Variants in CIITA observed in about 807,000 individuals in gnomAD.
CIITA encodes MHC class II transactivator.
Under a neutral mutation model 115.1 loss-of-function variants are expected in CIITA, and 72 were observed. The ratio of observed to expected loss-of-function variants is 0.63; its 90% CI spans 0.52 to 0.76. CIITA has a LOEUF of 0.76. Ranked by LOEUF, CIITA falls within the 30% of genes least tolerant of loss-of-function variation. The pLI is 0.00. For missense variants in CIITA, 1,617 were observed against 1,463.8 expected (o/e 1.10, Z -1.71); for synonymous variants, 763 against 635.6 (o/e 1.20, Z -3.02).
rs796498325 is a variant in CIITA, at chr16:10,905,760, C to CA, written c.1007-727dup. Among the ~76,000 whole-genome samples, 584 of 121,632 alleles carry CA rather than the reference C, an allele frequency of 4.8e-3. 4 individuals carry two copies. Among genetic ancestry groups the CA allele is most frequent in the African/African-American group, 0.014 (449 of 32,676 alleles). 79.8% of individuals were successfully genotyped at this position (121,632 alleles called of 152,430 possible). A position where few individuals can be genotyped will look rare whatever the true frequency, so the allele number is the denominator to read the frequency against. ...CTGGGGCACAGGGCAGGATCCATCT[C>CA]AAAAAAAAAAAAGAGAGAAAAGGTC... On this transcript the variant is annotated intron_variant, in intron 10 of 19. Transcript: ENST00000324288.
At position 10,934,779 on chromosome 16, in the gene CIITA, G is replaced by C. The variant is rs1332808657; in HGVS notation, c.*10924G>C. 3.3e-5 allele frequency: 5 copies of C among 152,282 alleles called. No individual in the cohort carries two copies. Among genetic ancestry groups the C allele is most frequent in the African/African-American group, 1.2e-4 (5 of 41,568 alleles). 9.4% of individuals were successfully genotyped at this position (152,282 alleles called of 1,614,324 possible). A position where few individuals can be genotyped will look rare whatever the true frequency, so the allele number is the denominator to read the frequency against. Reference sequence around the variant, plus strand: ...CTCCCAGAAATGAAGCCTTACCCTTGAGGGAGTTCCCCGCCACTCCAAGCT... The same window carrying C: ...CTCCCAGAAATGAAGCCTTACCCTTCAGGGAGTTCCCCGCCACTCCAAGCT... On this transcript the variant is annotated 3_prime_UTR_variant, in exon 20 of 20. Transcript: ENST00000324288. The surrounding 1 kb of genome is among the most constrained non-coding windows in gnomAD (Gnocchi z 4.2).
chr16:10,873,221 G>T (rs905089009), upstream of CIITA, among the ~76,000 whole-genome samples: 1 of 152,160 alleles, frequency 6.6e-6, no homozygotes, highest in Non-Finnish European at 1.5e-5. Context: ...CGACATACCT[G>T]CCTTAGCCTC....
At chr16:10,869,347 C>T (rs2035313919) in intron 1 of CIITA, among the ~76,000 whole-genome samples, 1 of 152,222 alleles carries the variant, frequency 6.6e-6, no homozygotes, top group African/African-American at 2.4e-5. Flanking sequence ...AGAACCTTTG[C>T]ACATGCCGTT....
chr16:10,900,443 A>T (rs1167031820), intron 5 of CIITA, among the ~76,000 whole-genome samples: 1 of 151,832 alleles, frequency 6.6e-6, no homozygotes, highest in Admixed American at 6.6e-5. Context: ...CCAAGATTTT[A>T]TTGTGAAAGT....
At chr16:10,891,742 G>A (rs149479829) in intron 1 of CIITA, among the ~76,000 whole-genome samples, 92 of 152,282 alleles carry the variant, frequency 6.0e-4, no homozygotes, top group Admixed American at 1.4e-3. Context: ...CTGACCAAGG[G>A]GCTGGGAGAG....
chr16:10,899,086 T>A, intron 5 of CIITA, 84 bp downstream of exon 5: 1 of 1,353,696 alleles, frequency 7.4e-7, no homozygotes, highest in Non-Finnish European at 1.1e-6. Flanking sequence ...TGGGTCCAAC[T>A]TGCTTCCCTC....
chr16:10,911,066 T>C (rs1030715512), intron 13 of CIITA, among the ~76,000 whole-genome samples: 1 of 152,076 alleles, frequency 6.6e-6, no homozygotes, highest in Non-Finnish European at 1.5e-5. Context: ...GTGACAGAAA[T>C]GGAGACCTAG....
At chr16:10,868,863 G>T (rs1003841271) in intron 1 of CIITA, among the ~76,000 whole-genome samples, 13 of 152,220 alleles carry the variant, frequency 8.5e-5, no homozygotes, top group African/African-American at 3.1e-4. Context: ...TCTTCGGGGA[G>T]CTGGGAGGGG....
chr16:10,903,959 G>T, intron 9 of CIITA, 64 bp downstream of exon 9: 2 of 1,607,176 alleles, frequency 1.2e-6, no homozygotes, highest in South Asian at 1.1e-5. Flanking sequence ...GGAAGGAATT[G>T]TCTCAAATAA....
chr16:10,904,073 A>G lies in CIITA; in HGVS notation c.937+178A>G, dbSNP rs185812489. On this transcript the variant is annotated intron_variant, in intron 9 of 19. Transcript: ENST00000324288. The stretch of plus-strand genomic sequence containing the variant: ...TGGAGGCATGGTTGTGGGGGAATGG[A>G]CAGCTAGAGAATCCACATCCCATCC... Among the ~76,000 whole-genome samples the G allele has an allele frequency of 1.7e-3, 263 of 152,302 alleles. 2 individuals are homozygous for G. The East Asian group carries it at 0.035, about 20-fold the overall frequency.
chr16:10,910,147 C>G (rs1169405486), intron 12 of CIITA, 41 bp from the exon 13 acceptor site: 5 of 1,563,506 alleles, frequency 3.2e-6, no homozygotes, highest in Non-Finnish European at 4.4e-6. Flanking sequence ...GGCTCAGTGA[C>G]AGCAGTGCCT....
chr16:10,917,829 C>T (rs1242396444), intron 15 of CIITA, among the ~76,000 whole-genome samples: 1 of 152,178 alleles, frequency 6.6e-6, no homozygotes, highest in Non-Finnish European at 1.5e-5. Flanking sequence ...TTCCCACACT[C>T]CCCCTCACAA....
chr16:10,897,250 T>C (rs2038223221), intron 3 of CIITA, among the ~76,000 whole-genome samples: 1 of 152,208 alleles, frequency 6.6e-6, no homozygotes, highest in African/African-American at 2.4e-5. Flanking sequence ...TGGTGAGGAC[T>C]CTCTGCAGAG....
Position 10,929,262 on chromosome 16 carries a change from A to C in CIITA, c.*5407A>C. On this transcript the variant is annotated 3_prime_UTR_variant, in exon 20 of 20. Transcript: ENST00000324288. This position sits in a 1 kb window ranked among gnomAD's most constrained non-coding sequence, Gnocchi z 4.3. ...GCTTTTGCGTGTGTCCGCAGTTTGA[A>C]GTGTCCTCTCCGAAGGTGAAGTGGG... is the stretch of plus-strand genomic sequence containing the variant. 1.0e-6 allele frequency: 1 copy of C among 985,948 alleles called. No individual in the cohort carries two copies. Among genetic ancestry groups the C allele is most frequent in the Non-Finnish European group, 1.2e-6 (1 of 829,982 alleles). 61.1% of individuals were successfully genotyped at this position (985,948 alleles called of 1,614,324 possible). A position where few individuals can be genotyped will look rare whatever the true frequency, so the allele number is the denominator to read the frequency against.
At chr16:10,910,677 C>T (rs2039499199) in intron 13 of CIITA, among the ~76,000 whole-genome samples, 1 of 152,106 alleles carries the variant, frequency 6.6e-6, no homozygotes, top group African/African-American at 2.4e-5. Context: ...AAAGGCTTTC[C>T]AGGAATTGTA....
intron 1 of CIITA, among the ~76,000 whole-genome samples, chr16:10,894,395 T>G (rs1163035451): frequency 6.6e-6 from 1 of 152,226 alleles, no homozygotes; most frequent in Non-Finnish European, 1.5e-5. Context: ...ATATTTTGGC[T>G]ATTTTGAATT....
intron 13 of CIITA, among the ~76,000 whole-genome samples, chr16:10,910,786 C>A (rs2039507672): frequency 6.6e-6 from 1 of 152,224 alleles, no homozygotes; most frequent in African/African-American, 2.4e-5. Flanking sequence ...TGGCCAGGAA[C>A]TGCACAACGT....
intron 17 of CIITA, 66 bp downstream of exon 17, chr16:10,922,316 G>T (rs1270725236): frequency 6.2e-7 from 1 of 1,605,254 alleles, no homozygotes; most frequent in Non-Finnish European, 8.5e-7. Context: ...GTCTCTCCCT[G>T]GTGTCCTGGA....
upstream of CIITA, among the ~76,000 whole-genome samples, chr16:10,874,329 C>A (rs943880516): frequency 4.6e-5 from 7 of 152,280 alleles, no homozygotes; most frequent in African/African-American, 1.7e-4. Context: ...GGTGTTTCAA[C>A]AGAGAGGAAG....
Sources: allele counts gnomAD v4.1 joint callset (sites outside exome capture counted in the v4.1 genomes callset), GRCh38; gene constraint gnomAD v4.1.1; non-coding constraint Gnocchi (gnomAD v3.1); transcripts MANE v1.5; gene names NCBI Gene and HGNC (gene_info 2026-07-23, HGNC 2026-07-21).